Variants in KDM5C observed in about 807,000 individuals in gnomAD.
KDM5C encodes lysine-specific demethylase 5C.
Under a neutral mutation model 110.6 loss-of-function variants are expected in KDM5C, and 16 were observed. The observed-to-expected ratio is 0.14, with a 90% CI of 0.10 to 0.22. KDM5C has a LOEUF of 0.22. KDM5C is among the 10% of genes least tolerant of loss of function. The pLI is 1.00. For missense variants in KDM5C, 681 were observed against 1,300.9 expected (o/e 0.52, Z 7.33); for synonymous variants, 511 against 520.4 (o/e 0.98, Z 0.24).
chrX:53,187,685 G>A (rs113783971), downstream of KDM5C, among the ~76,000 whole-genome samples: 11 of 111,248 alleles, frequency 9.9e-5, no homozygotes, highest in African/African-American at 3.3e-4. Context: ...TGGAAGGATT[G>A]AGCCCAGGAG....
chrX:53,210,808 T>C lies in KDM5C; in HGVS notation c.1451A>G (p.Gln484Arg). The C allele has an allele frequency of 8.3e-7, 1 of 1,211,876 alleles. No individual in the cohort carries two copies. The highest frequency in any genetic ancestry group is 1.8e-5 in the South Asian group (1 of 57,004). ...WNLNVMPVLE[Q>R]SVLCHINADI... The stretch of plus-strand genomic sequence containing the variant: ...TGCATTGATGTGGCACAGTACAGAC[T>C]GTTCCAACACCGGCATCACATTTAG... Residue 484 changes from glutamine to arginine, a missense_variant, in exon 11 of 26, where the codon CAG (glutamine) becomes CGG (arginine). Physicochemically the swap from Gln to Arg is conservative, Grantham distance 43 (BLOSUM62 1). This residue lies in a region of KDM5C where 41 missense variants were observed against 205.9 expected (regional missense o/e 0.20). Coordinates refer to ENST00000375401, the MANE Select transcript of KDM5C (RefSeq NM_004187.5).
In KDM5C at chrX:53,194,485, G is replaced by A. The variant is rs186450230; in HGVS notation, c.3692C>T (p.Pro1231Leu). 8.3e-6 allele frequency: 10 copies of A among 1,210,027 alleles called. No individual in the cohort carries two copies. Among genetic ancestry groups the A allele is most frequent in the African/African-American group, 6.9e-5 (4 of 57,555 alleles). The change falls in exon 23 of 26, where the codon CCA becomes CTA. Residue 1231 changes from proline to leucine, a missense_variant. Pro to Leu is a moderately conservative substitution (Grantham distance 98). Coordinates refer to ENST00000375401, the MANE Select transcript of KDM5C (RefSeq NM_004187.5). ...GTCCCATTCCCACCAGGCCAGCAGT[G>A]GGGATGAGGTGGGATTGGGCCTCGG... ...SSPRPNPTSS[P>L]LLAWWEWDTK...
chrX:53,208,546 C>CCCAG (rs2073440506), intron 12 of KDM5C, among the ~76,000 whole-genome samples: 1 of 93,357 alleles, frequency 1.1e-5, no homozygotes, highest in Non-Finnish European at 2.1e-5. Context: ...CCACCTGTTG[C>CCCAG]CCAGGCTGGA....
chrX:53,219,812 T>C (rs975010527), intron 2 of KDM5C, among the ~76,000 whole-genome samples: 1 of 112,464 alleles, frequency 8.9e-6, no homozygotes, highest in Non-Finnish European at 1.9e-5. Context: ...CTCCTTCTTA[T>C]TAGTCAGCAC....
chrX:53,220,827 T>C lies in KDM5C; in HGVS notation c.228+12A>G, dbSNP rs782467800. The C allele has an allele frequency of 5.0e-6, 6 of 1,194,877 alleles. No homozygotes were observed. The highest frequency in any genetic ancestry group is 6.8e-6 in the Non-Finnish European group (6 of 882,006). ...TTCTCCCAACCCCACCACCAGCTCC[T>C]AGTCTTCTCACCTCTAGCTCATTCA... On this transcript the variant is annotated intron_variant, in intron 2 of 25. Coordinates refer to ENST00000375401, the MANE Select transcript of KDM5C (RefSeq NM_004187.5).
chrX:53,191,915 T>C (rs189329928), downstream of KDM5C: 622 of 174,243 alleles, frequency 3.6e-3, 3 homozygotes, highest in Non-Finnish European at 5.5e-3. Context: ...GGTTGTAGTG[T>C]AGGAGTTTGG....
At chrX:53,203,297 G>A (rs1556843365) in intron 12 of KDM5C, among the ~76,000 whole-genome samples, 1 of 111,251 alleles carries the variant, frequency 9.0e-6, no homozygotes, top group African/African-American at 3.3e-5. Context: ...TGTTTGACAT[G>A]GAAATTTACA....
At position 53,215,989 on chromosome X, in the gene KDM5C, A is replaced by G. The variant is rs782438641; in HGVS notation, c.782-13T>C. On this transcript the variant is annotated splice_polypyrimidine_tract_variant and intron_variant, in intron 6 of 25. Coordinates refer to ENST00000375401, the MANE Select transcript of KDM5C (RefSeq NM_004187.5). Reference sequence around the variant, plus strand: ...GGCCCCTCCTTATCTGGGAGAGAGAAAAATGGCTGTAAACACAGGTCTAGG... The same window carrying G: ...GGCCCCTCCTTATCTGGGAGAGAGAGAAATGGCTGTAAACACAGGTCTAGG... The G allele has an allele frequency of 8.3e-7, 1 of 1,210,427 alleles. No individual in the cohort carries two copies. The highest frequency in any genetic ancestry group is 1.7e-5 in the African/African-American group (1 of 57,320).
chrX:53,202,108 C>T (rs1221629882), intron 12 of KDM5C, 135 bp from the exon 13 acceptor site: 6 of 759,245 alleles, frequency 7.9e-6, no homozygotes, highest in Non-Finnish European at 1.2e-5. Flanking sequence ...CCAGACTCTC[C>T]AACTCTGAAA....
Position 53,194,205 on chromosome X carries a change from A to G in KDM5C, c.3972T>C (p.Pro1324=). 5.0e-6 allele frequency: 6 copies of G among 1,210,732 alleles called. No homozygotes were observed. Among genetic ancestry groups the G allele is most frequent in the Middle Eastern group, 2.3e-4 (1 of 4,352 alleles). The stretch of plus-strand genomic sequence containing the variant: ...AAGCAGGGGCTGCAGGGTAGTTAGG[A>G]GGCTCCTCAGGTCTAGGTTCAGCCT... ...RLQAEPRPEE[P]PNYPAAPASD... The change falls in exon 23 of 26, where the codon CCT becomes CCC. Residue 1324 remains proline, a synonymous_variant. Coordinates refer to ENST00000375401, the MANE Select transcript of KDM5C (RefSeq NM_004187.5).
chrX:53,177,500 T>C (rs145794902), intron 25 of KDM5C, among the ~76,000 whole-genome samples: 2 of 112,978 alleles, frequency 1.8e-5, no homozygotes, highest in Non-Finnish European at 3.7e-5. Flanking sequence ...TTGTGAATTG[T>C]GTTAGGTGTA....
intron 25 of KDM5C, among the ~76,000 whole-genome samples, chrX:53,179,270 GA>G (rs1933968470): frequency 9.2e-6 from 1 of 109,041 alleles, no homozygotes; most frequent in African/African-American, 3.4e-5. Flanking sequence ...TAGCTGCAGT[GA>G]GCCGAGATCG....
chrX:53,214,535 C>T (rs1348051920), intron 8 of KDM5C, 154 bp downstream of exon 8: 6 of 570,827 alleles, frequency 1.1e-5, no homozygotes, highest in Non-Finnish European at 1.7e-5. Flanking sequence ...GCTGAATCTC[C>T]TGCTCCTTTC....
intron 14 of KDM5C, 74 bp downstream of exon 14, chrX:53,201,476 A>G (rs1336480592): frequency 2.0e-6 from 2 of 1,004,076 alleles, no homozygotes; most frequent in South Asian, 1.9e-5. Flanking sequence ...TAGAGGCTAC[A>G]TCTTCTTGGT....
chrX:53,204,912 G>A (rs1443384588), intron 12 of KDM5C, among the ~76,000 whole-genome samples: 1 of 112,003 alleles, frequency 8.9e-6, no homozygotes, highest in East Asian at 2.8e-4. Flanking sequence ...GGTATGAATC[G>A]GGCTGGTTCT....
chrX:53,197,435 C>T (rs1277226872), intron 18 of KDM5C, among the ~76,000 whole-genome samples: 3 of 110,753 alleles, frequency 2.7e-5, no homozygotes, highest in African/African-American at 9.9e-5. Flanking sequence ...GGGTCTGTTG[C>T]CCTCTCCATC....
intron 2 of KDM5C, among the ~76,000 whole-genome samples, chrX:53,219,504 T>G (rs782718863): frequency 1.8e-5 from 2 of 112,141 alleles, no homozygotes; most frequent in East Asian, 5.6e-4. Context: ...TGTATGATGC[T>G]TCCCTGAAAT....
At chrX:53,177,884 G>A (rs1556824665) in intron 25 of KDM5C, among the ~76,000 whole-genome samples, 17 of 111,564 alleles carry the variant, frequency 1.5e-4, no homozygotes, top group Non-Finnish European at 2.3e-4. Context: ...TTATTTTCAG[G>A]GTCTCACTCT....
intron 7 of KDM5C, 71 bp downstream of exon 7, chrX:53,215,724 G>A: frequency 9.1e-7 from 1 of 1,094,854 alleles, no homozygotes; most frequent in East Asian, 3.0e-5. Context: ...AACTGGTCCA[G>A]TGCCATGCAG....
Sources: allele counts gnomAD v4.1 joint callset (sites outside exome capture counted in the v4.1 genomes callset), GRCh38; gene constraint gnomAD v4.1.1; regional missense constraint gnomAD v4.1.1; transcripts MANE v1.5; gene names NCBI Gene and HGNC (gene_info 2026-07-23, HGNC 2026-07-21).